Variants in NYAP2 observed in about 807,000 individuals in gnomAD.
NYAP2 encodes neuronal tyrosine-phosphorylated phosphoinositide-3-kinase adapter 2.
In NYAP2, 23 loss-of-function variants were observed where a neutral mutation model predicts 50.4. The observed-to-expected ratio is 0.46, with a 90% CI of 0.33 to 0.65. The LOEUF (loss-of-function observed/expected upper bound fraction) is 0.65. Among genes scored for constraint, NYAP2 ranks in the 30% least tolerant of loss-of-function variants. The pLI is 0.02. For missense variants in NYAP2, 885 were observed against 861.0 expected (o/e 1.03, Z -0.35); for synonymous variants, 394 against 365.2 (o/e 1.08, Z -0.90).
chr2:225,569,983 G>A (rs1274969200), intron 4 of NYAP2, among the ~76,000 whole-genome samples: 1 of 152,166 alleles, frequency 6.6e-6, no homozygotes, highest in Non-Finnish European at 1.5e-5. Context: ...CAATCTGAGA[G>A]CCTGTAGTAG....
intron 4 of NYAP2, among the ~76,000 whole-genome samples, chr2:225,553,016 G>C (rs941382637): frequency 6.6e-6 from 1 of 152,122 alleles, no homozygotes; most frequent in Admixed American, 6.5e-5. Context: ...AGCCACCAAG[G>C]CTATGGTACT....
downstream of NYAP2, among the ~76,000 whole-genome samples, chr2:225,656,906 C>T (rs1439542765): frequency 4.0e-5 from 6 of 151,736 alleles, no homozygotes; most frequent in African/African-American, 1.2e-4. Context: ...TTTTCTCAAA[C>T]AATTTGATTT....
chr2:225,543,310 A>G (rs1053925083), intron 4 of NYAP2, among the ~76,000 whole-genome samples: 7 of 149,990 alleles, frequency 4.7e-5, no homozygotes, highest in Admixed American at 4.6e-4. Flanking sequence ...GGTTTGGTCT[A>G]CTCTTCCTTT....
At chr2:225,641,489 T>TC in intron 6 of NYAP2, among the ~76,000 whole-genome samples, 1 of 150,702 alleles carries the variant, frequency 6.6e-6, no homozygotes, top group Non-Finnish European at 1.5e-5. Flanking sequence ...ACAATTTTTT[T>TC]TTTTTAAGGT....
At chr2:225,447,645 A>C (rs994652166) in intron 3 of NYAP2, among the ~76,000 whole-genome samples, 1 of 152,228 alleles carries the variant, frequency 6.6e-6, no homozygotes, top group Non-Finnish European at 1.5e-5. Flanking sequence ...TATAGAATGC[A>C]TGAAAAAATC....
At chr2:225,465,640 C>T (rs1301328204) in intron 3 of NYAP2, among the ~76,000 whole-genome samples, 4 of 151,998 alleles carry the variant, frequency 2.6e-5, no homozygotes, top group African/African-American at 7.2e-5. Flanking sequence ...CGAGTGAACC[C>T]GGGAGGCAGA....
At chr2:225,654,040 GA>G (rs893036638), downstream of NYAP2, 8 of 148,106 alleles carry the variant, frequency 5.4e-5, no homozygotes, top group Non-Finnish European at 7.5e-5. Flanking sequence ...AAAAGAAAAA[GA>G]AAAAAAAACT....
At chr2:225,555,859 A>G (rs1371799285) in intron 4 of NYAP2, among the ~76,000 whole-genome samples, 1 of 152,206 alleles carries the variant, frequency 6.6e-6, no homozygotes, top group Non-Finnish European at 1.5e-5. Flanking sequence ...CTCTACCTTC[A>G]GTTCCATTCA....
At chr2:225,627,504 C>G (rs1397526966) in intron 6 of NYAP2, among the ~76,000 whole-genome samples, 1 of 151,890 alleles carries the variant, frequency 6.6e-6, no homozygotes, top group African/African-American at 2.4e-5. Context: ...ATATTTTGGG[C>G]AACTGATAAA....
chr2:225,433,371 A>G (rs1242269685), intron 3 of NYAP2, among the ~76,000 whole-genome samples: 1 of 151,256 alleles, frequency 6.6e-6, no homozygotes, highest in East Asian at 1.9e-4. Flanking sequence ...AAAAAAAAAA[A>G]GCAATTTGTT....
chr2:225,404,700 G>GA (rs1367574493), intron 2 of NYAP2, among the ~76,000 whole-genome samples: 1 of 151,836 alleles, frequency 6.6e-6, no homozygotes, highest in African/African-American at 2.4e-5. Context: ...ATAACAAAGT[G>GA]AAAAAATAAA....
intron 3 of NYAP2, among the ~76,000 whole-genome samples, chr2:225,484,187 C>CT: frequency 6.6e-6 from 1 of 152,170 alleles, no homozygotes; most frequent in South Asian, 2.1e-4. Context: ...AAAATGCCAA[C>CT]AGCAATTAAA....
intron 5 of NYAP2, among the ~76,000 whole-genome samples, chr2:225,626,280 A>G (rs1693208828): frequency 6.6e-6 from 1 of 152,202 alleles, no homozygotes; most frequent in Admixed American, 6.5e-5. Context: ...ATCCTTGAGG[A>G]CAAAAATCAG....
rs187122663 is a variant in NYAP2, at chr2:225,641,937, T to C, written c.1829-9495T>C. Among the ~76,000 whole-genome samples, 10 of 152,246 alleles carry C rather than the reference T, an allele frequency of 6.6e-5. No homozygotes were observed. In the East Asian group the frequency reaches 1.9e-3, roughly 29 times the overall value. ...TTATCCATGTGAAACATAAAAATCA[T>C]CTTTTAGAGTGGGCTTATACTTTAA... On this transcript the variant is annotated intron_variant, in intron 6 of 6. Coordinates refer to ENST00000636099, the Ensembl canonical transcript of NYAP2.
At chr2:225,702,401 T>G in the NYAP2 span, 7 of 151,856 alleles carry the variant, frequency 4.6e-5, no homozygotes, top group African/African-American at 1.7e-4. Flanking sequence ...AAAAAGATGT[T>G]GTCCCATCCT....
At chr2:225,583,073 T>C (rs749557521) in intron 5 of NYAP2, 38 bp downstream of exon 5, 3 of 1,586,230 alleles carry the variant, frequency 1.9e-6, no homozygotes, top group Non-Finnish European at 2.6e-6. Flanking sequence ...CAGAGCCCAG[T>C]GCCAGGCTTA....
chr2:225,678,933 G>C, the NYAP2 span, among the ~76,000 whole-genome samples: 1 of 152,104 alleles, frequency 6.6e-6, no homozygotes, highest in African/African-American at 2.4e-5. Context: ...TGTAATTAGA[G>C]TCCTAAAGAA....
chr2:225,701,936 C>T, the NYAP2 span: 1 of 151,564 alleles, frequency 6.6e-6, no homozygotes, highest in African/African-American at 2.4e-5. Flanking sequence ...GTGACTACGT[C>T]AATAAAACTA....
chr2:225,500,447 T>G (rs1460744980), intron 3 of NYAP2, among the ~76,000 whole-genome samples: 2 of 152,254 alleles, frequency 1.3e-5, no homozygotes, highest in African/African-American at 4.8e-5. Context: ...GTCTGAGGTG[T>G]GTTTTTCCCT....
Sources: gnomAD v4.1 joint callset for allele counts (sites outside exome capture counted in the v4.1 genomes callset) on GRCh38, gnomAD v4.1.1 for gene constraint, MANE v1.5 for transcripts, NCBI Gene and HGNC (gene_info 2026-07-23, HGNC 2026-07-21) for gene names.